Variants in VPS37B observed in about 807,000 individuals in gnomAD.
VPS37B encodes vacuolar protein sorting-associated protein 37B.
VPS37B carries 11 observed loss-of-function variants against 21.2 expected under a neutral mutation model. The ratio of observed to expected loss-of-function variants is 0.52; its 90% CI spans 0.33 to 0.86. The LOEUF is 0.86. Among genes scored for constraint, VPS37B ranks in the 40% least tolerant of loss-of-function variants. The probability of loss-of-function intolerance (pLI) is 0.03; values close to 1 mark genes in which losing one functional copy is unlikely to be tolerated. For synonymous variants in VPS37B, 175 were observed against 159.6 expected, an observed-to-expected ratio of 1.10 and a Z score of -0.73; for missense variants, 389 against 374.8, an observed-to-expected ratio of 1.04 and a Z score of -0.31.
chr12:122,880,470 TAGAA>T (rs905832053), intron 1 of VPS37B: 3 of 152,034 alleles, frequency 2.0e-5, no homozygotes, highest in African/African-American at 7.2e-5. Flanking sequence ...CTCTCCCACT[TAGAA>T]AGCATATCAG....
At chr12:122,871,932 C>T (rs1382856629) in intron 1 of VPS37B, 3 of 985,320 alleles carry the variant, frequency 3.0e-6, no homozygotes, top group Non-Finnish European at 3.6e-6. Flanking sequence ...GCCCAGCCGC[C>T]GCCACCTCAC....
chr12:122,895,547 C>T (rs1022099812), intron 1 of VPS37B, among the ~76,000 whole-genome samples: 1 of 151,950 alleles, frequency 6.6e-6, no homozygotes, highest in Non-Finnish European at 1.5e-5. Flanking sequence ...CGCCTAGACC[C>T]AACGATAGCA....
Position 122,895,900 on chromosome 12 carries a change from C to G in VPS37B, c.111+52G>C, listed in dbSNP as rs2034485192. ...CCGCCTCCGGCCACCGTTCGAGGAG[C>G]GAACCCCGCTCGAGGCCTCACAGCC... On this transcript the variant is annotated intron_variant, in intron 1 of 3. Coordinates refer to ENST00000267202, the MANE Select transcript of VPS37B (RefSeq NM_024667.3). The G allele has an allele frequency of 2.6e-6, 4 of 1,554,818 alleles. No individual in the cohort carries two copies. The South Asian group carries it at 4.4e-5, about 17-fold the overall frequency.
rs967493010 is a variant in VPS37B at position 122,896,098 on chromosome 12, G to C, written c.-36C>G. ...CGGCCGTCGTCGCCACCGCCGCTGCGGCCACCAGGCTCCGCCGACCGGAAG... is the reference window on the plus strand; with the variant it reads ...CGGCCGTCGTCGCCACCGCCGCTGCCGCCACCAGGCTCCGCCGACCGGAAG... On this transcript the variant is annotated 5_prime_UTR_variant, in exon 1 of 4. Transcript: ENST00000267202. 1.3e-6 allele frequency: 2 copies of C among 1,526,132 alleles called. No homozygotes were observed. Among genetic ancestry groups the C allele is most frequent in the East Asian group, 2.6e-5 (1 of 39,104 alleles). The allele number at this position is 1,526,132 out of a possible 1,614,324, so 94.5% of individuals were successfully genotyped here. A position where few individuals can be genotyped will look rare whatever the true frequency, so the allele number is the denominator to read the frequency against.
At position 122,870,995 on chromosome 12, in the gene VPS37B, G is replaced by A. The variant is rs1373482241; in HGVS notation, c.178C>T (p.Leu60Phe). ...GTGTCCAGCTGGGGCTGGTACAAAA[G>A]GTTTCCTTCTGCCAGGCTCCGGTTG... ...ASNRSLAEGN[L>F]LYQPQLDTLK... The change falls in exon 2 of 4, where the codon CTT becomes TTT. Residue 60 changes from leucine (L) to phenylalanine (F), a missense_variant. Leu to Phe is a conservative substitution (Grantham distance 22, BLOSUM62 0). Transcript: ENST00000267202. 1 of 1,614,186 alleles carries A rather than the reference G, an allele frequency of 6.2e-7. No homozygotes were observed. The highest frequency in any genetic ancestry group is 2.2e-5 in the East Asian group (1 of 44,890).
chr12:122,870,440 T>C, intron 2 of VPS37B: 1 of 155,508 alleles, frequency 6.4e-6, no homozygotes, highest in Non-Finnish European at 1.4e-5. Flanking sequence ...CTGGGGGCCC[T>C]CCATATTCCA....
At chr12:122,871,725 G>A (rs927853267) in intron 1 of VPS37B, 2 of 980,204 alleles carry the variant, frequency 2.0e-6, no homozygotes, top group Admixed American at 1.2e-4. Context: ...GTCCTTTAAA[G>A]CAATGACAGG....
intron 1 of VPS37B, chr12:122,885,121 A>T (rs1430461853): frequency 6.6e-6 from 1 of 152,050 alleles, no homozygotes; most frequent in Non-Finnish European, 1.5e-5. Flanking sequence ...GTGGTTAGGG[A>T]AAAAAGGGAT....
At chr12:122,888,032 T>G (rs377743048) in intron 1 of VPS37B, 8 of 153,286 alleles carry the variant, frequency 5.2e-5, no homozygotes, top group African/African-American at 1.9e-4. Flanking sequence ...TTGCACTATG[T>G]TCCTCTACTA....
intron 1 of VPS37B, chr12:122,872,349 A>G: frequency 1.0e-6 from 1 of 985,476 alleles, no homozygotes; most frequent in Non-Finnish European, 1.2e-6. Flanking sequence ...GCATCTCCAG[A>G]CAACAGCTGC....
chr12:122,874,972 A>G (rs1439545042), intron 1 of VPS37B: 1 of 109,684 alleles, frequency 9.1e-6, no homozygotes, highest in Non-Finnish European at 2.0e-5. Context: ...AAAAAAAAAA[A>G]AAAAAAAAAC....
chr12:122,874,934 T>G (rs2034116488), intron 1 of VPS37B: 2 of 107,396 alleles, frequency 1.9e-5, no homozygotes, highest in Admixed American at 1.2e-4. Flanking sequence ...GCAACAAGAG[T>G]GAAACTCCGT....
chr12:122,884,165 T>A (rs2034289607), intron 1 of VPS37B: 1 of 152,226 alleles, frequency 6.6e-6, no homozygotes, highest in Admixed American at 6.5e-5. Context: ...AAGCACACAC[T>A]AAGCATTTTA....
intron 1 of VPS37B, among the ~76,000 whole-genome samples, chr12:122,892,197 T>A (rs2034423141): frequency 6.6e-6 from 1 of 152,082 alleles, no homozygotes; most frequent in Non-Finnish European, 1.5e-5. Flanking sequence ...GACAAGAGAA[T>A]AAGATCATGA....
At position 122,868,285 on chromosome 12, in the gene VPS37B, AC is replaced by A. The variant is rs1310183626; in HGVS notation, c.366+194del. The stretch of plus-strand genomic sequence containing the variant: ...CCCTCGCTCGGACCTGCCCTCACTC[AC>A]CCCGCTGCTCCCTGGACCCCTGCCT... On this transcript the variant is annotated intron_variant, in intron 3 of 3. Coordinates refer to ENST00000267202, the MANE Select transcript of VPS37B (RefSeq NM_024667.3). This position sits in a 1 kb window ranked among gnomAD's most constrained non-coding sequence, Gnocchi z 5.5. Among the ~76,000 whole-genome samples the A allele has an allele frequency of 6.6e-6, 1 of 150,522 alleles. No individual in the cohort carries two copies. The highest frequency in any genetic ancestry group is 1.5e-5 in the Non-Finnish European group (1 of 67,608).
Position 122,867,190 on chromosome 12 carries a change from G to C in VPS37B, c.784C>G (p.Pro262Ala), listed in dbSNP as rs777857034. 3.8e-6 allele frequency: 6 copies of C among 1,568,814 alleles called. No individual in the cohort carries two copies. Among genetic ancestry groups the C allele is most frequent in the Non-Finnish European group, 5.2e-6 (6 of 1,161,388 alleles). Residue 262 changes from proline (P) to alanine (A), a missense_variant, in exon 4 of 4, where the codon CCA (proline) becomes GCA (alanine). By Grantham distance (27) the Pro-to-Ala change is conservative (BLOSUM62 -1). Transcript: ENST00000267202. This position sits in a 1 kb window ranked among gnomAD's most constrained non-coding sequence, Gnocchi z 5.5. ...CTCTGAGGGAGAGGTGGCGGATATG[G>C]GGACACGAACTGCGAAGAGAATCCT... Reference protein sequence around the residue: ...QQGFSSQFVSPYPPPLPQRPP... With the variant: ...QQGFSSQFVSAYPPPLPQRPP...
chr12:122,867,730 C>G lies in VPS37B; in HGVS notation c.367-123G>C. ...AACACTGCCCCCTCCCTGTAACCAC[C>G]CAGAGGGCCTCGCTCCTGCTCCAGA... On this transcript the variant is annotated intron_variant, in intron 3 of 3. Coordinates refer to ENST00000267202, the MANE Select transcript of VPS37B (RefSeq NM_024667.3). This position sits in a 1 kb window ranked among gnomAD's most constrained non-coding sequence, Gnocchi z 5.5. 7.6e-7 allele frequency: 1 copy of G among 1,311,408 alleles called. No individual in the cohort carries two copies. Among genetic ancestry groups the G allele is most frequent in the South Asian group, 1.2e-5 (1 of 80,822 alleles). 81.2% of individuals were successfully genotyped at this position (1,311,408 alleles called of 1,614,324 possible).
intron 1 of VPS37B, chr12:122,879,624 C>G (rs1403832770): frequency 6.6e-6 from 1 of 152,460 alleles, no homozygotes; most frequent in Non-Finnish European, 1.5e-5. Context: ...CTCATGCTGA[C>G]TGTGCCATGT....
chr12:122,869,042 C>T (rs1241072862), intron 2 of VPS37B, among the ~76,000 whole-genome samples: 2 of 152,186 alleles, frequency 1.3e-5, no homozygotes, highest in Non-Finnish European at 2.9e-5. Flanking sequence ...ATCCTGGAAT[C>T]AGAGAGTACA....
Sources: allele counts gnomAD v4.1 joint callset (sites outside exome capture counted in the v4.1 genomes callset), GRCh38; gene constraint gnomAD v4.1.1; non-coding constraint Gnocchi (gnomAD v3.1); transcripts MANE v1.5; gene names NCBI Gene and HGNC (gene_info 2026-07-23, HGNC 2026-07-21).